Variants in SLC4A10 observed in about 807,000 individuals in gnomAD.
The protein encoded by SLC4A10 is sodium-driven chloride bicarbonate exchanger.
A neutral mutation model predicts 137.7 loss-of-function variants in SLC4A10; 42 were observed. The ratio of observed to expected loss-of-function variants is 0.30; its 90% CI spans 0.24 to 0.39. SLC4A10 has a LOEUF of 0.39. Ranked by LOEUF, SLC4A10 falls within the 10% of genes least tolerant of loss-of-function variation. The probability of loss-of-function intolerance (pLI) is 1.00; values close to 1 mark genes in which losing one functional copy is unlikely to be tolerated. For missense variants in SLC4A10, 925 were observed against 1,355.0 expected (o/e 0.68, Z 4.98); for synonymous variants, 474 against 464.1 (o/e 1.02, Z -0.27).
chr2:161,803,099 T>C (rs952749478), intron 2 of SLC4A10, among the ~76,000 whole-genome samples: 1 of 152,176 alleles, frequency 6.6e-6, no homozygotes, highest in Non-Finnish European at 1.5e-5. Flanking sequence ...TACAACACTC[T>C]CCTATACATG....
intron 3 of SLC4A10, among the ~76,000 whole-genome samples, chr2:161,824,670 A>G (rs907391234): frequency 2.0e-5 from 3 of 152,258 alleles, no homozygotes; most frequent in Non-Finnish European, 4.4e-5. Flanking sequence ...ACATTAGACA[A>G]TCTGGCAGAA....
intron 17 of SLC4A10, 102 bp from the exon 18 acceptor site, chr2:161,949,046 T>C: frequency 1.5e-6 from 1 of 669,734 alleles, no homozygotes; most frequent in Non-Finnish European, 2.6e-6. Context: ...ATTATGATAT[T>C]ATGTCATAAA....
At chr2:161,947,834 C>T in intron 17 of SLC4A10, 107 bp downstream of exon 17, 1 of 1,249,912 alleles carries the variant, frequency 8.0e-7, no homozygotes, top group Non-Finnish European at 1.1e-6. Flanking sequence ...GAGTGAGCTG[C>T]CAGGTTAGTT....
intron 1 of SLC4A10, chr2:161,708,595 A>C (rs1313432384): frequency 2.3e-6 from 3 of 1,277,406 alleles, no homozygotes; most frequent in African/African-American, 1.5e-5. Context: ...TTGTAACTGC[A>C]CAGGGGAGAT....
At chr2:161,761,780 G>A (rs752455650) in intron 1 of SLC4A10, among the ~76,000 whole-genome samples, 59 of 152,008 alleles carry the variant, frequency 3.9e-4, no homozygotes, top group Non-Finnish European at 7.4e-4. Flanking sequence ...ACCAAAAGGA[G>A]CTCCAGCATT....
chr2:161,924,953 T>C (rs1029278289), intron 15 of SLC4A10, among the ~76,000 whole-genome samples: 7 of 152,050 alleles, frequency 4.6e-5, no homozygotes, highest in Non-Finnish European at 1.0e-4. Context: ...ATGTGGATGG[T>C]GTAGTTTTCA....
At chr2:161,759,222 T>C (rs982475052) in intron 1 of SLC4A10, among the ~76,000 whole-genome samples, 5 of 151,978 alleles carry the variant, frequency 3.3e-5, no homozygotes, top group African/African-American at 1.2e-4. Flanking sequence ...AAAAACTGTG[T>C]ATATTCAAGG....
At chr2:161,880,038 T>C (rs2061670486) in intron 9 of SLC4A10, among the ~76,000 whole-genome samples, 1 of 152,136 alleles carries the variant, frequency 6.6e-6, no homozygotes, top group South Asian at 2.1e-4. Flanking sequence ...ATATTGACTT[T>C]AGCACATTAA....
chr2:161,937,922 C>A (rs1056316280), intron 15 of SLC4A10, among the ~76,000 whole-genome samples: 2 of 152,008 alleles, frequency 1.3e-5, no homozygotes, highest in Admixed American at 6.6e-5. Context: ...TTTCTCCATA[C>A]CCCACCCAAA....
intron 3 of SLC4A10, among the ~76,000 whole-genome samples, chr2:161,808,620 C>T (rs2056239437): frequency 6.6e-6 from 1 of 152,086 alleles, no homozygotes; most frequent in Non-Finnish European, 1.5e-5. Flanking sequence ...TCTTAATGTA[C>T]ATAAGTACCC....
chr2:161,722,497 A>G (rs2045790249), intron 1 of SLC4A10, among the ~76,000 whole-genome samples: 1 of 152,110 alleles, frequency 6.6e-6, no homozygotes, highest in African/African-American at 2.4e-5. Flanking sequence ...ATTTACCTAA[A>G]TCCCTTCCAC....
intron 1 of SLC4A10, among the ~76,000 whole-genome samples, chr2:161,640,597 CTT>C (rs2035140874): frequency 2.1e-5 from 2 of 95,974 alleles, no homozygotes; most frequent in Non-Finnish European, 4.2e-5. Flanking sequence ...TCTTTCTTTC[CTT>C]CCTTCCTTCC....
At chr2:161,659,181 A>G (rs1488997452) in intron 1 of SLC4A10, among the ~76,000 whole-genome samples, 1 of 152,246 alleles carries the variant, frequency 6.6e-6, no homozygotes, top group African/African-American at 2.4e-5. Context: ...TGACTGGATA[A>G]ATAAAAGATG....
At chr2:161,760,046 T>A (rs1405081625) in intron 1 of SLC4A10, among the ~76,000 whole-genome samples, 1 of 152,002 alleles carries the variant, frequency 6.6e-6, no homozygotes, top group South Asian at 2.1e-4. Context: ...TTTCAAATAA[T>A]GTGTGTGGGC....
intron 2 of SLC4A10, among the ~76,000 whole-genome samples, chr2:161,785,326 C>CT (rs894481299): frequency 3.3e-5 from 5 of 151,436 alleles, no homozygotes; most frequent in Admixed American, 2.0e-4. Flanking sequence ...TTATGTCAAA[C>CT]TTTTTTTTAT....
intron 1 of SLC4A10, among the ~76,000 whole-genome samples, chr2:161,654,308 ATT>A (rs2037213100): frequency 1.3e-5 from 2 of 151,892 alleles, no homozygotes. Context: ...GCTTGCAAAT[ATT>A]TTCTCCCTTT....
intron 1 of SLC4A10, among the ~76,000 whole-genome samples, chr2:161,633,723 C>T (rs1275934792): frequency 6.6e-6 from 1 of 151,534 alleles, no homozygotes; most frequent in East Asian, 1.9e-4. Flanking sequence ...TTCAATAATG[C>T]TTACTCAATA....
intron 2 of SLC4A10, among the ~76,000 whole-genome samples, chr2:161,790,710 A>T (rs1384521880): frequency 6.6e-6 from 1 of 152,168 alleles, no homozygotes; most frequent in Non-Finnish European, 1.5e-5. Context: ...CTTATAATAA[A>T]CTGTTCTGTT....
At chr2:161,822,470 A>T (rs1334074413) in intron 3 of SLC4A10, among the ~76,000 whole-genome samples, 1 of 152,146 alleles carries the variant, frequency 6.6e-6, no homozygotes, top group Non-Finnish European at 1.5e-5. Flanking sequence ...TCTTAGTGTA[A>T]CTCTAGAATC....
Sources: allele counts gnomAD v4.1 joint callset (sites outside exome capture counted in the v4.1 genomes callset), GRCh38; gene constraint gnomAD v4.1.1; transcripts MANE v1.5; gene names NCBI Gene and HGNC (gene_info 2026-07-23, HGNC 2026-07-21).